WDR25: variants seen among roughly 807,000 people sequenced by gnomAD.
WDR25 encodes the protein WD repeat domain 25.
WDR25 carries 35 observed loss-of-function variants against 47.7 expected under a neutral mutation model. The ratio of observed to expected loss-of-function variants is 0.73; its 90% CI spans 0.56 to 0.97. WDR25 has a LOEUF of 0.97. Ranked by LOEUF, WDR25 falls within the 50% of genes least tolerant of loss-of-function variation. The probability of loss-of-function intolerance (pLI) is 0.00; values close to 1 mark genes in which losing one functional copy is unlikely to be tolerated. For missense variants in WDR25, 634 were observed against 704.7 expected, an observed-to-expected ratio of 0.90 and a Z score of 1.14; for synonymous variants, 248 against 278.9, an observed-to-expected ratio of 0.89 and a Z score of 1.10.
In WDR25 at chr14:100,404,787, A is replaced by G. The variant is rs1897483435; in HGVS notation, c.822+23041A>G. 6.6e-6 allele frequency among the ~76,000 whole-genome samples: 1 copy of G among 151,884 alleles called. No homozygotes were observed. The highest frequency in any genetic ancestry group is 1.5e-5 in the Non-Finnish European group (1 of 67,964). On this transcript the variant is annotated intron_variant, in intron 2 of 6. Coordinates refer to ENST00000402312, the MANE Select transcript of WDR25 (RefSeq NM_001161476.3). The surrounding 1 kb of genome is among the most constrained non-coding windows in gnomAD (Gnocchi z 4.6). ...TACACCCCTCCCTCCTCCTGCCTGC[A>G]TTCTCCTTCTGCTGTTACATGGGGG...
chr14:100,489,339 G>C (rs1043612197), intron 4 of WDR25, among the ~76,000 whole-genome samples: 1 of 152,244 alleles, frequency 6.6e-6, no homozygotes, highest in Non-Finnish European at 1.5e-5. Flanking sequence ...AGAATTGCAG[G>C]AGAAGCCTGT....
chr14:100,519,695 T>C (rs1901631589), intron 4 of WDR25, among the ~76,000 whole-genome samples: 1 of 143,908 alleles, frequency 6.9e-6, no homozygotes, highest in South Asian at 2.1e-4. Context: ...TATAATCATC[T>C]ATATATAGTA....
At chr14:100,461,340 A>G (rs1349283981) in intron 2 of WDR25, among the ~76,000 whole-genome samples, 4 of 152,260 alleles carry the variant, frequency 2.6e-5, no homozygotes, top group South Asian at 2.1e-4. Context: ...GTATTTCTAC[A>G]TACGAGAAAT....
At position 100,449,867 on chromosome 14, in the gene WDR25, G is replaced by A. The variant is rs914277262; in HGVS notation, c.823-18154G>A. Reference sequence around the variant, plus strand: ...TGTGATCAGAAGGGGGCTGTCTCCTGCTGTTACGCCATGTGCCACGACACC... The same window carrying A: ...TGTGATCAGAAGGGGGCTGTCTCCTACTGTTACGCCATGTGCCACGACACC... On this transcript the variant is annotated intron_variant, in intron 2 of 6. Transcript: ENST00000402312. This position sits in a 1 kb window ranked among gnomAD's most constrained non-coding sequence, Gnocchi z 4.2. Among the ~76,000 whole-genome samples the A allele has an allele frequency of 1.3e-5, 2 of 152,148 alleles. No individual in the cohort carries two copies. The highest frequency in any genetic ancestry group is 2.9e-5 in the Non-Finnish European group (2 of 68,018).
chr14:100,515,144 C>T (rs1423153096), intron 4 of WDR25, among the ~76,000 whole-genome samples: 1 of 152,016 alleles, frequency 6.6e-6, no homozygotes, highest in Non-Finnish European at 1.5e-5. Context: ...TTCTCTTTAC[C>T]ATTGGCTTCA....
At position 100,381,143 on chromosome 14, in the gene WDR25, A is replaced by G; in HGVS notation, c.219A>G (p.Pro73=). 6.2e-7 allele frequency: 1 copy of G among 1,614,220 alleles called. No homozygotes were observed. The highest frequency in any genetic ancestry group is 8.5e-7 in the Non-Finnish European group (1 of 1,180,036). The change falls in exon 2 of 7, where the codon CCA becomes CCG. Residue 73 remains proline, a synonymous_variant. Coordinates refer to ENST00000402312, the MANE Select transcript of WDR25 (RefSeq NM_001161476.3). ...QPTKHGSCED[P]GGYRLPLAQL... is the part of the protein sequence containing the mutation. ...CAAAGCATGGCTCCTGTGAAGACCC[A>G]GGGGGCTATCGCCTTCCATTGGCTC...
intron 4 of WDR25, among the ~76,000 whole-genome samples, chr14:100,486,184 C>T (rs561891701): frequency 6.6e-6 from 1 of 152,314 alleles, no homozygotes; most frequent in Admixed American, 6.5e-5. Context: ...AGCACCCAGC[C>T]ACTCCTGACA....
At position 100,428,248 on chromosome 14, in the gene WDR25, T is replaced by G. The variant is rs1898226532; in HGVS notation, c.823-39773T>G. Among the ~76,000 whole-genome samples, 1 of 152,234 alleles carries G rather than the reference T, an allele frequency of 6.6e-6. No individual in the cohort carries two copies. Among genetic ancestry groups the G allele is most frequent in the Non-Finnish European group, 1.5e-5 (1 of 68,040 alleles). On this transcript the variant is annotated intron_variant, in intron 2 of 6. Transcript: ENST00000402312. The surrounding 1 kb of genome is among the most constrained non-coding windows in gnomAD (Gnocchi z 4.3). ...TGCTGAGGCTGTGCCTCAGCCTATCTTGGGTCCCCCTCTGCCTACAGGCAG... is the reference window on the plus strand; with the variant it reads ...TGCTGAGGCTGTGCCTCAGCCTATCGTGGGTCCCCCTCTGCCTACAGGCAG...
chr14:100,445,847 G>A (rs1898814730), intron 2 of WDR25, among the ~76,000 whole-genome samples: 1 of 152,208 alleles, frequency 6.6e-6, no homozygotes, highest in Non-Finnish European at 1.5e-5. Context: ...TCCTTTCAGA[G>A]CCCATTTCCA....
At chr14:100,383,536 C>T (rs1896953141) in intron 2 of WDR25, among the ~76,000 whole-genome samples, 1 of 152,262 alleles carries the variant, frequency 6.6e-6, no homozygotes. Flanking sequence ...CCGCTCACCT[C>T]TGGAGTTCTC....
chr14:100,397,273 C>T lies in WDR25; in HGVS notation c.822+15527C>T, dbSNP rs191791873. Among the ~76,000 whole-genome samples, 14 of 152,246 alleles carry T rather than the reference C, an allele frequency of 9.2e-5. No individual in the cohort carries two copies. In the East Asian group the frequency reaches 2.7e-3, roughly 29 times the overall value. ...GATACTTGTACAGTGCGTATATTGTCGGTGGAAATGGACCTGTCGTTCTGT... is the reference window on the plus strand; with the variant it reads ...GATACTTGTACAGTGCGTATATTGTTGGTGGAAATGGACCTGTCGTTCTGT... On this transcript the variant is annotated intron_variant, in intron 2 of 6. Coordinates refer to ENST00000402312, the MANE Select transcript of WDR25 (RefSeq NM_001161476.3).
At chr14:100,522,848 A>G (rs2029924892) in intron 4 of WDR25, among the ~76,000 whole-genome samples, 1 of 152,222 alleles carries the variant, frequency 6.6e-6, no homozygotes, top group South Asian at 2.1e-4. Context: ...AAGGGCCAGG[A>G]GAGGCCCCAC....
rs544765764 is a variant in WDR25 at position 100,433,847 on chromosome 14, C to T, written c.823-34174C>T. ...TTTTGGCACAGCAAGATATTCTGGG[C>T]TCACTTATTCTTTTCCTGCCCCAGT... On this transcript the variant is annotated intron_variant, in intron 2 of 6. Coordinates refer to ENST00000402312, the MANE Select transcript of WDR25 (RefSeq NM_001161476.3). 3.9e-5 allele frequency among the ~76,000 whole-genome samples: 6 copies of T among 152,282 alleles called. No individual in the cohort carries two copies. The South Asian group carries it at 1.0e-3, about 26-fold the overall frequency.
chr14:100,507,682 G>A (rs1901161346), intron 4 of WDR25, among the ~76,000 whole-genome samples: 1 of 149,036 alleles, frequency 6.7e-6, no homozygotes, highest in African/African-American at 2.5e-5. Flanking sequence ...TGTTGCAAAT[G>A]GTATTGCAAA....
chr14:100,522,210 C>T (rs2029894610), intron 4 of WDR25, among the ~76,000 whole-genome samples: 1 of 152,024 alleles, frequency 6.6e-6, no homozygotes, highest in African/African-American at 2.4e-5. Context: ...TACTTGCTTG[C>T]TTTCTGCCAT....
chr14:100,517,446 T>A (rs1901542730), intron 4 of WDR25, among the ~76,000 whole-genome samples: 1 of 152,228 alleles, frequency 6.6e-6, no homozygotes, highest in Non-Finnish European at 1.5e-5. Flanking sequence ...GTTATGTCTC[T>A]TTGTATTATA....
Position 100,488,084 on chromosome 14 carries a change from A to T in WDR25, c.1101+3960A>T, listed in dbSNP as rs1900442788. On this transcript the variant is annotated intron_variant, in intron 4 of 6. Coordinates refer to ENST00000402312, the MANE Select transcript of WDR25 (RefSeq NM_001161476.3). This position sits in a 1 kb window ranked among gnomAD's most constrained non-coding sequence, Gnocchi z 4.2. ...TCTCTAGTCTAGCCCAATTCATTAC[A>T]GCAAATGGGCTGTTTGGCTCCCTGT... is the stretch of plus-strand genomic sequence containing the variant. Among the ~76,000 whole-genome samples, 1 of 152,190 alleles carries T rather than the reference A, an allele frequency of 6.6e-6. No homozygotes were observed. The highest frequency in any genetic ancestry group is 2.4e-5 in the African/African-American group (1 of 41,446).
chr14:100,453,306 G>C (rs1439293618), intron 2 of WDR25, among the ~76,000 whole-genome samples: 1 of 152,248 alleles, frequency 6.6e-6, no homozygotes, highest in Non-Finnish European at 1.5e-5. Context: ...TCGAGCCAGA[G>C]TGCCTTGGTC....
chr14:100,385,076 A>C (rs1488725533), intron 2 of WDR25, among the ~76,000 whole-genome samples: 2 of 152,218 alleles, frequency 1.3e-5, no homozygotes, highest in Non-Finnish European at 2.9e-5. Context: ...GCTTTTCCCC[A>C]AGAATTTCCT....
Sources: gnomAD v4.1 joint callset for allele counts (sites outside exome capture counted in the v4.1 genomes callset) on GRCh38, gnomAD v4.1.1 for gene constraint, Gnocchi (gnomAD v3.1) non-coding constraint, MANE v1.5 for transcripts, NCBI Gene and HGNC (gene_info 2026-07-23, HGNC 2026-07-21) for gene names.